Variants in RPL5 observed in about 807,000 individuals in gnomAD.
RPL5 encodes the protein large ribosomal subunit protein uL18.
In RPL5, 1 loss-of-function variant was observed where a neutral mutation model predicts 38.4. The observed-to-expected ratio is 0.03, with a 90% CI of 0.01 to 0.12. The LOEUF (loss-of-function observed/expected upper bound fraction) is 0.12, where lower values mean the gene tolerates loss of function less well. RPL5 is among the 10% of genes least tolerant of loss of function. The pLI is 1.00. For synonymous variants in RPL5, 109 were observed against 121.2 expected (o/e 0.90, Z 0.66); for missense variants, 243 against 374.1 (o/e 0.65, Z 2.89).
chr1:92,832,662 G>A (rs1190307049), intron 1 of RPL5: 2 of 329,640 alleles, frequency 6.1e-6, no homozygotes, highest in Non-Finnish European at 5.6e-6. Context: ...GGGTCCCTGG[G>A]CCCCGGAAGC....
intron 1 of RPL5, 176 bp from the exon 2 acceptor site, chr1:92,833,213 G>A (rs1371053723): frequency 1.5e-6 from 1 of 653,200 alleles, no homozygotes; most frequent in Non-Finnish European, 2.8e-6. Context: ...CTGTGACATG[G>A]AAGGTAGAGG....
intron 6 of RPL5, among the ~76,000 whole-genome samples, chr1:92,839,344 G>C (rs748442365): frequency 6.6e-6 from 1 of 152,140 alleles, no homozygotes; most frequent in Non-Finnish European, 1.5e-5. Context: ...GGGCAACAGA[G>C]CGAGACTTCA....
At position 92,840,645 on chromosome 1, in the gene RPL5, T is replaced by C; in HGVS notation, c.794+6T>C. On this transcript the variant is annotated splice_donor_region_variant and intron_variant, in intron 7 of 7. Transcript: ENST00000370321. ...AAAGAAGTTAAAAAGAAGAGGTATGTCGTCTTTTTTTTTGTCTTTTCAAGA... is the reference window on the plus strand; with the variant it reads ...AAAGAAGTTAAAAAGAAGAGGTATGCCGTCTTTTTTTTTGTCTTTTCAAGA... The C allele has an allele frequency of 6.2e-7, 1 of 1,602,710 alleles. No individual in the cohort carries two copies. Among genetic ancestry groups the C allele is most frequent in the Non-Finnish European group, 8.5e-7 (1 of 1,176,786 alleles).
chr1:92,832,954 G>T, intron 1 of RPL5: 1 of 714,296 alleles, frequency 1.4e-6, no homozygotes, highest in South Asian at 1.5e-5. Flanking sequence ...AGCGTGTTCC[G>T]AACAAACCGA....
At position 92,832,777 on chromosome 1, in the gene RPL5, C is replaced by T. The variant is rs951691915; in HGVS notation, c.4-612C>T. 9 of 515,582 alleles carry T rather than the reference C, an allele frequency of 1.7e-5. No homozygotes were observed. The Admixed American group carries it at 3.2e-4, about 19-fold the overall frequency. 31.9% of individuals were successfully genotyped at this position (515,582 alleles called of 1,614,324 possible). On this transcript the variant is annotated intron_variant, in intron 1 of 7. Coordinates refer to ENST00000370321, the MANE Select transcript of RPL5 (RefSeq NM_000969.5). ...GCCCCAAGGGTGGGATGAAATGTTG[C>T]TTTAGCTGATGGGGAACAGTGCTGT...
intron 1 of RPL5, 101 bp downstream of exon 1, chr1:92,832,218 A>C: frequency 6.5e-7 from 1 of 1,548,342 alleles, no homozygotes; most frequent in Non-Finnish European, 8.8e-7. Flanking sequence ...CAGGGGCCGG[A>C]TGGCGTTAGA....
intron 6 of RPL5, chr1:92,840,267 TC>T (rs779240138): frequency 2.6e-6 from 1 of 380,556 alleles, no homozygotes; most frequent in Non-Finnish European, 4.9e-6. Flanking sequence ...CACTTCAGAC[TC>T]CCAAAGTGCT....
chr1:92,840,129 C>G (rs1004449036), intron 6 of RPL5: 1 of 224,574 alleles, frequency 4.5e-6, no homozygotes, highest in Non-Finnish European at 8.8e-6. Context: ...ACGTGTAGTC[C>G]TGTAGCTGGG....
intron 1 of RPL5, chr1:92,832,708 C>T (rs1054323733): frequency 1.4e-4 from 57 of 403,502 alleles, no homozygotes; most frequent in African/African-American, 9.6e-4. Flanking sequence ...CTGCCTCTTC[C>T]TCTAGAGTCC....
chr1:92,832,496 G>C (rs1451643549), intron 1 of RPL5, among the ~76,000 whole-genome samples: 1 of 152,254 alleles, frequency 6.6e-6, no homozygotes, highest in African/African-American at 2.4e-5. Flanking sequence ...GGGGGCTGCA[G>C]GTCCTCGGGT....
chr1:92,838,978 C>T (rs894294711), intron 6 of RPL5, among the ~76,000 whole-genome samples: 1 of 149,444 alleles, frequency 6.7e-6, no homozygotes, highest in African/African-American at 2.5e-5. Flanking sequence ...ACCTGGATTA[C>T]TGTGACATAG....
intron 1 of RPL5, chr1:92,832,886 T>C (rs1054295456): frequency 1.6e-6 from 1 of 644,696 alleles, no homozygotes. Context: ...AAACATAACA[T>C]GGGAAGCGAG....
At chr1:92,834,684 T>C in intron 3 of RPL5, 95 bp from the exon 4 acceptor site, 1 of 1,476,362 alleles carries the variant, frequency 6.8e-7, no homozygotes. Context: ...TTCATCTGTG[T>C]CCATCAATGT....
chr1:92,834,248 G>A (rs550174514), intron 3 of RPL5, among the ~76,000 whole-genome samples: 42 of 152,272 alleles, frequency 2.8e-4, no homozygotes, highest in African/African-American at 9.6e-4. Context: ...ATTAAACAGG[G>A]CTTTAAGATT....
rs781454186 is a variant in RPL5 at position 92,836,112 on chromosome 1, C to T, written c.325-78C>T. On this transcript the variant is annotated intron_variant, in intron 4 of 7. Coordinates refer to ENST00000370321, the MANE Select transcript of RPL5 (RefSeq NM_000969.5). ...CTTTTCCAGATGTCAGTGGTCCTTA[C>T]GGTTATGACATAAGCTATTTTAATT... The T allele has an allele frequency of 1.3e-5, 18 of 1,347,130 alleles. 1 individual carries two copies. The highest frequency in any genetic ancestry group is 4.6e-5 in the East Asian group (2 of 43,596). 83.4% of individuals were successfully genotyped at this position (1,347,130 alleles called of 1,614,324 possible). A position where few individuals can be genotyped will look rare whatever the true frequency, so the allele number is the denominator to read the frequency against.
intron 1 of RPL5, chr1:92,833,068 T>C (rs948229949): frequency 2.8e-6 from 2 of 723,992 alleles, no homozygotes; most frequent in Non-Finnish European, 5.1e-6. Context: ...TGAAAGCGTT[T>C]AAAACCTTTT....
chr1:92,832,324 G>A (rs888497573), intron 1 of RPL5: 3 of 756,734 alleles, frequency 4.0e-6, no homozygotes, highest in Admixed American at 2.1e-5. Context: ...TGGCGAAGAA[G>A]GGTTGCGTGA....
intron 6 of RPL5, among the ~76,000 whole-genome samples, chr1:92,839,345 C>T (rs982857595): frequency 4.6e-5 from 7 of 152,088 alleles, no homozygotes; most frequent in African/African-American, 1.7e-4. Context: ...GGCAACAGAG[C>T]GAGACTTCAT....
intron 6 of RPL5, among the ~76,000 whole-genome samples, chr1:92,839,050 T>TC (rs1553122502): frequency 5.3e-5 from 8 of 149,966 alleles, no homozygotes; most frequent in East Asian, 1.9e-4. Flanking sequence ...TTTTTTTTTT[T>TC]CAGTGAGTTT....
Sources: allele counts gnomAD v4.1 joint callset (sites outside exome capture counted in the v4.1 genomes callset), GRCh38; gene constraint gnomAD v4.1.1; transcripts MANE v1.5; gene names NCBI Gene and HGNC (gene_info 2026-07-23, HGNC 2026-07-21).